RMDN2: variants seen among roughly 807,000 people sequenced by gnomAD.
RMDN2 encodes the protein regulator of microtubule dynamics 2.
RMDN2 carries 61 observed loss-of-function variants against 52.8 expected under a neutral mutation model. That is an observed-to-expected ratio of 1.16 (90% CI 0.94 to 1.43). The LOEUF (loss-of-function observed/expected upper bound fraction) is 1.43, where lower values mean the gene tolerates loss of function less well. Among genes scored for constraint, RMDN2 ranks in the 40% most tolerant of loss-of-function variants. RMDN2 has a pLI of 0.00. For missense variants in RMDN2, 592 were observed against 475.3 expected (o/e 1.25, Z -2.28); for synonymous variants, 180 against 153.1 (o/e 1.18, Z -1.30).
intron 10 of RMDN2, chr2:38,036,350 G>A (rs1454555454): frequency 1.3e-5 from 2 of 152,226 alleles, no homozygotes; most frequent in African/African-American, 4.8e-5. Flanking sequence ...TTGCAGCTCT[G>A]ATCAGTGGTA....
intron 2 of RMDN2, among the ~76,000 whole-genome samples, chr2:37,961,716 C>T (rs1670266563): frequency 6.6e-6 from 1 of 152,038 alleles, no homozygotes. Context: ...CATTCTCCAT[C>T]CAGCTTTGTT....
chr2:37,940,704 A>G (rs1667710560), intron 2 of RMDN2, among the ~76,000 whole-genome samples: 1 of 152,036 alleles, frequency 6.6e-6, no homozygotes, highest in South Asian at 2.1e-4. Flanking sequence ...ATGCTTCACA[A>G]AGTTCTTGTG....
At chr2:37,987,389 G>T (rs1186895341) in intron 5 of RMDN2, among the ~76,000 whole-genome samples, 1 of 152,154 alleles carries the variant, frequency 6.6e-6, no homozygotes, top group Non-Finnish European at 1.5e-5. Context: ...GCCATGAAAA[G>T]ATGTGGAGGA....
intron 10 of RMDN2, among the ~76,000 whole-genome samples, chr2:38,026,058 G>A (rs957008492): frequency 2.6e-5 from 4 of 152,132 alleles, no homozygotes; most frequent in South Asian, 2.1e-4. Flanking sequence ...GAATTCACTC[G>A]TGAACCCATC....
At chr2:37,932,846 C>T (rs1411707842) in intron 2 of RMDN2, among the ~76,000 whole-genome samples, 3 of 132,488 alleles carry the variant, frequency 2.3e-5, no homozygotes, top group Non-Finnish European at 3.3e-5. Flanking sequence ...CCGGACGGGG[C>T]GGCTGGCCGG....
intron 2 of RMDN2, among the ~76,000 whole-genome samples, chr2:37,935,438 A>AAC (rs1445460626): frequency 6.6e-6 from 1 of 152,238 alleles, no homozygotes; most frequent in East Asian, 1.9e-4. Context: ...CATGGAGATG[A>AAC]ACAGAGATTC....
chr2:37,928,091 A>G (rs1392398189), intron 1 of RMDN2, among the ~76,000 whole-genome samples: 2 of 152,254 alleles, frequency 1.3e-5, no homozygotes, highest in African/African-American at 4.8e-5. Flanking sequence ...TATAATATTC[A>G]CTAACACCTG....
chr2:37,934,517 CAT>C (rs1245988523), intron 2 of RMDN2, among the ~76,000 whole-genome samples: 75 of 152,048 alleles, frequency 4.9e-4, no homozygotes, highest in African/African-American at 1.8e-3. Flanking sequence ...TTGGTAATCA[CAT>C]GTTGTTACTG....
At chr2:37,922,041 C>T (rs1023045142), upstream of RMDN2, among the ~76,000 whole-genome samples, 1 of 152,112 alleles carries the variant, frequency 6.6e-6, no homozygotes, top group Non-Finnish European at 1.5e-5. Context: ...TTTGCCTGTG[C>T]GCTTCTCCCT....
At chr2:38,015,676 G>C (rs72904065) in intron 10 of RMDN2, among the ~76,000 whole-genome samples, 1 of 152,188 alleles carries the variant, frequency 6.6e-6, no homozygotes, top group Non-Finnish European at 1.5e-5. Context: ...GCTGCACAGA[G>C]ATGTGATTCT....
chr2:37,941,732 G>C (rs1667805401), intron 2 of RMDN2, among the ~76,000 whole-genome samples: 1 of 152,140 alleles, frequency 6.6e-6, no homozygotes, highest in Non-Finnish European at 1.5e-5. Context: ...AGTAATGGTG[G>C]ATGCCCCTTC....
At chr2:38,064,593 G>A (rs1447096817) in intron 10 of RMDN2, among the ~76,000 whole-genome samples, 2 of 152,136 alleles carry the variant, frequency 1.3e-5, no homozygotes, top group East Asian at 1.9e-4. Flanking sequence ...AAGCAGGTGC[G>A]ACAAAACTCA....
At chr2:38,020,004 T>TA (rs1168369927), downstream of RMDN2, among the ~76,000 whole-genome samples, 3 of 152,036 alleles carry the variant, frequency 2.0e-5, no homozygotes, top group Admixed American at 6.5e-5. Context: ...GCTAAATAGC[T>TA]AAAAAACCGT....
intron 2 of RMDN2, chr2:37,952,140 G>T (rs1461578173): frequency 1.9e-6 from 3 of 1,613,122 alleles, no homozygotes; most frequent in Non-Finnish European, 2.5e-6. Context: ...TGAAGATGAA[G>T]ACTTTGCTGT....
At chr2:38,046,326 A>C (rs1206368760) in intron 10 of RMDN2, among the ~76,000 whole-genome samples, 1 of 152,238 alleles carries the variant, frequency 6.6e-6, no homozygotes, top group Non-Finnish European at 1.5e-5. Flanking sequence ...GCTGACTGCT[A>C]AACTATGCTG....
chr2:38,066,993 T>C (rs199895201), exon 11 of RMDN2: 127 of 1,613,776 alleles, frequency 7.9e-5, no homozygotes, highest in Non-Finnish European at 1.0e-4. Flanking sequence ...AGCTGTAGTC[T>C]GGAAGATAAA....
chr2:38,015,896 G>C (rs925902365), intron 10 of RMDN2, among the ~76,000 whole-genome samples: 4 of 152,246 alleles, frequency 2.6e-5, no homozygotes, highest in Admixed American at 6.5e-5. Flanking sequence ...TTTGAGGCTA[G>C]AGAAAGTGTG....
chr2:37,921,143 T>G (rs894679887), upstream of RMDN2, among the ~76,000 whole-genome samples: 2 of 152,256 alleles, frequency 1.3e-5, no homozygotes, highest in Non-Finnish European at 2.9e-5. Context: ...TTCATACATA[T>G]CTTCCTAAAA....
At chr2:37,932,890 C>CG (rs1666929108) in intron 2 of RMDN2, among the ~76,000 whole-genome samples, 1 of 147,426 alleles carries the variant, frequency 6.8e-6, no homozygotes, top group Non-Finnish European at 1.5e-5. Flanking sequence ...CCCTCCCGGA[C>CG]GGGGCGGCTG....
Sources: allele counts gnomAD v4.1 joint callset (sites outside exome capture counted in the v4.1 genomes callset), GRCh38; gene constraint gnomAD v4.1.1; transcripts MANE v1.5; gene names NCBI Gene and HGNC (gene_info 2026-07-23, HGNC 2026-07-21).